The following MYRFL variants were observed in gnomAD, a reference collection of about 807,000 sequenced individuals.
The protein encoded by MYRFL is myelin regulatory factor like.
In MYRFL, 88 loss-of-function variants were observed where a neutral mutation model predicts 109.4. The observed-to-expected ratio is 0.80, with a 90% confidence interval of 0.68 to 0.96. MYRFL has a LOEUF of 0.96. Among genes scored for constraint, MYRFL ranks in the 40% least tolerant of loss-of-function variants. MYRFL has a pLI of 0.00. For synonymous variants in MYRFL, 324 were observed against 320.9 expected (o/e 1.01, Z -0.10); for missense variants, 957 against 954.9 (o/e 1.00, Z -0.03).
chr12:69,879,157 G>A (rs1307046032), intron 3 of MYRFL, 38 bp from the exon 4 acceptor site: 2 of 666,402 alleles, frequency 3.0e-6, no homozygotes, highest in South Asian at 1.6e-5. Flanking sequence ...ACTCTGGGCC[G>A]TGAGAAAGGG....
At chr12:69,826,113 AT>A (rs1225067473) in intron 1 of MYRFL, among the ~76,000 whole-genome samples, 1 of 152,110 alleles carries the variant, frequency 6.6e-6, no homozygotes, top group African/African-American at 2.4e-5. Flanking sequence ...AATGGGCTGA[AT>A]AGTAAACAAT....
chr12:69,862,521 G>A (rs961726447), intron 2 of MYRFL, among the ~76,000 whole-genome samples: 1 of 150,264 alleles, frequency 6.7e-6, no homozygotes, highest in Non-Finnish European at 1.5e-5. Context: ...ATTGTGAATG[G>A]GAGTTCACTC....
intron 2 of MYRFL, among the ~76,000 whole-genome samples, chr12:69,855,778 C>T (rs1884240050): frequency 6.6e-6 from 1 of 150,682 alleles, no homozygotes; most frequent in South Asian, 2.1e-4. Flanking sequence ...ATGTCAGTAA[C>T]TTGTCTTTTT....
chr12:69,900,241 G>A (rs1231319524), intron 10 of MYRFL, among the ~76,000 whole-genome samples: 8 of 152,176 alleles, frequency 5.3e-5, no homozygotes, highest in African/African-American at 1.9e-4. Flanking sequence ...TAATGCATAT[G>A]TGTACACATG....
chr12:69,882,966 A>G (rs573684510), intron 5 of MYRFL, among the ~76,000 whole-genome samples: 4 of 152,368 alleles, frequency 2.6e-5, no homozygotes, highest in African/African-American at 9.6e-5. Context: ...AACGAGAATA[A>G]TAATTTTGAC....
At chr12:69,828,641 A>C (rs1056801244) in intron 1 of MYRFL, among the ~76,000 whole-genome samples, 2 of 152,144 alleles carry the variant, frequency 1.3e-5, no homozygotes, top group Non-Finnish European at 2.9e-5. Context: ...ACATCTGTTG[A>C]GCATTTACCA....
intron 19 of MYRFL, among the ~76,000 whole-genome samples, chr12:69,950,582 G>C (rs1955949337): frequency 1.3e-5 from 2 of 152,278 alleles, no homozygotes; most frequent in South Asian, 4.1e-4. Flanking sequence ...CAGTTGAGCA[G>C]AGAAGTTGAC....
At chr12:69,885,089 C>T (rs1045339448) in intron 5 of MYRFL, among the ~76,000 whole-genome samples, 9 of 152,020 alleles carry the variant, frequency 5.9e-5, no homozygotes, top group Admixed American at 2.6e-4. Context: ...AGCAGGATAA[C>T]CATAGAAGGG....
chr12:69,828,664 C>T (rs141047854), intron 1 of MYRFL, among the ~76,000 whole-genome samples: 89 of 152,146 alleles, frequency 5.8e-4, no homozygotes, highest in African/African-American at 1.8e-3. Context: ...TGCCAAGCGC[C>T]GTGCTATTTA....
chr12:69,958,575 A>ATACAT lies in MYRFL; in HGVS notation c.*46_*50dup. ...CTTTACCAAAGAAAAATACTCAGGA[A>ATACAT]TACATTTAACAGAAACGAACATCCT... On this transcript the variant is annotated 3_prime_UTR_variant, in exon 25 of 25. Coordinates refer to ENST00000552032, the MANE Select transcript of MYRFL (RefSeq NM_182530.3). 7.3e-7 allele frequency: 1 copy of ATACAT among 1,369,438 alleles called. No homozygotes were observed. The highest frequency in any genetic ancestry group is 1.3e-5 in the South Asian group (1 of 75,820). 84.8% of individuals were successfully genotyped at this position (1,369,438 alleles called of 1,614,324 possible).
intron 2 of MYRFL, among the ~76,000 whole-genome samples, chr12:69,862,474 A>G (rs1488066421): frequency 2.0e-5 from 3 of 151,206 alleles, no homozygotes; most frequent in South Asian, 2.1e-4. Flanking sequence ...CATCCCTTGT[A>G]AGTTGGATTC....
chr12:69,936,778 A>G (rs1428907392), intron 19 of MYRFL, 146 bp downstream of exon 19: 3 of 682,202 alleles, frequency 4.4e-6, no homozygotes, highest in African/African-American at 3.7e-5. Flanking sequence ...ACACAAATAC[A>G]CAACTGCCAA....
intron 12 of MYRFL, 83 bp downstream of exon 12, chr12:69,910,160 A>T (rs1001094365): frequency 3.3e-6 from 3 of 904,824 alleles, no homozygotes; most frequent in Middle Eastern, 6.1e-4. Flanking sequence ...GTTATGTGCT[A>T]TGGCATTTGA....
At chr12:69,882,755 G>C (rs1275070987) in intron 5 of MYRFL, among the ~76,000 whole-genome samples, 2 of 152,170 alleles carry the variant, frequency 1.3e-5, no homozygotes, top group East Asian at 3.9e-4. Context: ...TGAAAAAAGG[G>C]TTCATGGCCT....
chr12:69,943,895 A>G (rs1381955155), intron 19 of MYRFL, among the ~76,000 whole-genome samples: 1 of 152,086 alleles, frequency 6.6e-6, no homozygotes, highest in Non-Finnish European at 1.5e-5. Context: ...ACACTTCTCA[A>G]AAGAAGACAT....
chr12:69,876,028 C>A lies in MYRFL; in HGVS notation c.138-3000C>A, dbSNP rs1228566861. Among the ~76,000 whole-genome samples the A allele has an allele frequency of 3.3e-5, 5 of 152,226 alleles. No individual in the cohort carries two copies. In the East Asian group the frequency reaches 9.6e-4, roughly 29 times the overall value. ...CTGTTGTCTTTGGTTGGGCTGTGCGCAGTCTGCCCCATATATGATAGATCA... is the reference window on the plus strand; with the variant it reads ...CTGTTGTCTTTGGTTGGGCTGTGCGAAGTCTGCCCCATATATGATAGATCA... On this transcript the variant is annotated intron_variant, in intron 2 of 24. Transcript: ENST00000552032.
At chr12:69,903,068 A>T (rs574250245) in intron 10 of MYRFL, among the ~76,000 whole-genome samples, 1 of 152,344 alleles carries the variant, frequency 6.6e-6, no homozygotes, top group South Asian at 2.1e-4. Context: ...ATCGCACAAC[A>T]AATGTAGCTG....
At chr12:69,930,731 G>T (rs1955244887) in intron 15 of MYRFL, among the ~76,000 whole-genome samples, 1 of 150,866 alleles carries the variant, frequency 6.6e-6, no homozygotes, top group Non-Finnish European at 1.5e-5. Context: ...AGGATCGCTT[G>T]AGCCCAGGTG....
intron 9 of MYRFL, among the ~76,000 whole-genome samples, chr12:69,895,779 C>A (rs151127817): frequency 6.6e-6 from 1 of 152,276 alleles, no homozygotes; most frequent in Non-Finnish European, 1.5e-5. Flanking sequence ...TCATTGCCAT[C>A]CACAGATTGA....
Sources: allele counts gnomAD v4.1 joint callset (sites outside exome capture counted in the v4.1 genomes callset), GRCh38; gene constraint gnomAD v4.1.1; transcripts MANE v1.5; gene names NCBI Gene and HGNC (gene_info 2026-07-23, HGNC 2026-07-21).